PRR11: variants seen among roughly 807,000 people sequenced by gnomAD.
PRR11 encodes proline-rich protein 11.
A neutral mutation model predicts 45.6 loss-of-function variants in PRR11; 30 were observed. That is an observed-to-expected ratio of 0.66 (90% CI 0.49 to 0.89). PRR11 has a LOEUF of 0.89. Among genes scored for constraint, PRR11 ranks in the 40% least tolerant of loss-of-function variants. PRR11 has a pLI of 0.00. For synonymous variants in PRR11, 128 were observed against 153.5 expected, an observed-to-expected ratio of 0.83 and a Z score of 1.23; for missense variants, 373 against 424.8, an observed-to-expected ratio of 0.88 and a Z score of 1.07.
chr17:59,185,335 G>A, intron 3 of PRR11, 105 bp from the exon 4 acceptor site: 1 of 1,518,642 alleles, frequency 6.6e-7, no homozygotes, highest in Non-Finnish European at 8.9e-7. Context: ...AGTCAAGTCT[G>A]CCTTTGCTTC....
At chr17:59,169,647 G>A in intron 1 of PRR11, 101 bp from the exon 2 acceptor site, 1 of 1,099,256 alleles carries the variant, frequency 9.1e-7, no homozygotes, top group Non-Finnish European at 1.3e-6. Context: ...TTTCAAGGGT[G>A]TGTTCATGGT....
At chr17:59,170,382 T>C (rs1305850538) in intron 2 of PRR11, among the ~76,000 whole-genome samples, 1 of 152,144 alleles carries the variant, frequency 6.6e-6, no homozygotes, top group South Asian at 2.1e-4. Flanking sequence ...TATCTGAAAT[T>C]AATTTTTTAT....
intron 2 of PRR11, among the ~76,000 whole-genome samples, chr17:59,173,995 T>G (rs2046727804): frequency 6.6e-6 from 1 of 152,176 alleles, no homozygotes; most frequent in Admixed American, 6.5e-5. Flanking sequence ...CCACATCAAG[T>G]CTAACTAGAG....
In PRR11 at chr17:59,194,882, C is replaced by T. The variant is rs777647522; in HGVS notation, c.744+27C>T. On this transcript the variant is annotated intron_variant, in intron 6 of 9. Transcript: ENST00000262293. ...TAAGATGTCATTGACCACATACATG[C>T]TCTTTTTGCTTTTAACAATATAGGC... 4.5e-6 allele frequency: 7 copies of T among 1,569,024 alleles called. No individual in the cohort carries two copies. In the South Asian group the frequency reaches 7.8e-5, roughly 18 times the overall value.
At chr17:59,157,957 T>G (rs1420856588) in intron 1 of PRR11, among the ~76,000 whole-genome samples, 1 of 152,196 alleles carries the variant, frequency 6.6e-6, no homozygotes. Flanking sequence ...CGCTAGTCAC[T>G]AGAAGAGACT....
At chr17:59,155,921 G>A (rs2046620875) in intron 1 of PRR11, 116 bp downstream of exon 1, 1 of 152,262 alleles carries the variant, frequency 6.6e-6, no homozygotes, top group East Asian at 1.9e-4. Flanking sequence ...TGGACACGAA[G>A]GGGAAATGGA....
Position 59,194,265 on chromosome 17 carries a change from C to CCACACACA in PRR11, c.646-491_646-490insACACACAC, listed in dbSNP as rs1277044945. Among the ~76,000 whole-genome samples, 92 of 90,492 alleles carry CCACACACA rather than the reference C, an allele frequency of 1.0e-3. 1 individual carries two copies. Among genetic ancestry groups the CCACACACA allele is most frequent in the African/African-American group, 6.0e-3 (92 of 15,324 alleles). 59.4% of individuals were successfully genotyped at this position (90,492 alleles called of 152,430 possible). On this transcript the variant is annotated intron_variant, in intron 5 of 9. Coordinates refer to ENST00000262293, the MANE Select transcript of PRR11 (RefSeq NM_018304.4). ...GAATTAAATCCAGAGTCTTCCCAAT[C>CCACACACA]CTCACACACACACACACACACACAC...
chr17:59,164,048 G>A (rs570460922), intron 1 of PRR11, among the ~76,000 whole-genome samples: 5 of 152,130 alleles, frequency 3.3e-5, no homozygotes, highest in South Asian at 4.1e-4. Context: ...CAGCCTGGGC[G>A]ACAGAGTGAG....
chr17:59,201,664 A>T lies in PRR11; in HGVS notation c.*33A>T. On this transcript the variant is annotated 3_prime_UTR_variant, in exon 10 of 10. Coordinates refer to ENST00000262293, the MANE Select transcript of PRR11 (RefSeq NM_018304.4). ...TCTGCCTCACTCCATGAGATGATCC[A>T]TAACAAATACAGATAAAAACACCCA... 6.2e-7 allele frequency: 1 copy of T among 1,604,704 alleles called. No individual in the cohort carries two copies. Among genetic ancestry groups the T allele is most frequent in the Non-Finnish European group, 8.5e-7 (1 of 1,172,224 alleles).
chr17:59,171,542 T>A lies in PRR11; in HGVS notation c.128+1662T>A, dbSNP rs145269981. Among the ~76,000 whole-genome samples the A allele has an allele frequency of 1.3e-3, 204 of 152,184 alleles. 7 individuals are homozygous for A. The East Asian group carries it at 0.037, about 28-fold the overall frequency. On this transcript the variant is annotated intron_variant, in intron 2 of 9. Coordinates refer to ENST00000262293, the MANE Select transcript of PRR11 (RefSeq NM_018304.4). ...TCTTAAAAAGGAAAACAAAATTATA[T>A]GTATATAGCAGCTATGACACCCATC... is the stretch of plus-strand genomic sequence containing the variant.
chr17:59,181,740 C>CG, intron 2 of PRR11: 1 of 1,557,606 alleles, frequency 6.4e-7, no homozygotes, highest in African/African-American at 1.4e-5. Context: ...TGGGATCTAC[C>CG]CCAGGGGCTG....
At chr17:59,170,734 A>C (rs1350311927) in intron 2 of PRR11, among the ~76,000 whole-genome samples, 2 of 152,172 alleles carry the variant, frequency 1.3e-5, no homozygotes, top group Non-Finnish European at 2.9e-5. Context: ...TTTTTTCTAC[A>C]TAAAAAATAA....
rs1302250171 is a variant in PRR11 at position 59,205,532 on chromosome 17, T to A, written c.*3901T>A. 1.8e-5 allele frequency among the ~76,000 whole-genome samples: 2 copies of A among 110,680 alleles called. No homozygotes were observed. Among genetic ancestry groups the A allele is most frequent in the African/African-American group, 5.3e-5 (1 of 18,808 alleles). 72.6% of individuals were successfully genotyped at this position (110,680 alleles called of 152,430 possible). A position where few individuals can be genotyped will look rare whatever the true frequency, so the allele number is the denominator to read the frequency against. ...GTCTGGCCAACATGGTGAAACCCTG[T>A]CTCTACTAAAAATACAAAAATTAGC... On this transcript the variant is annotated 3_prime_UTR_variant, in exon 10 of 10. Transcript: ENST00000262293.
At chr17:59,182,026 G>GTTT (rs58846857) in intron 2 of PRR11, among the ~76,000 whole-genome samples, 1 of 138,716 alleles carries the variant, frequency 7.2e-6, no homozygotes, top group Non-Finnish European at 1.5e-5. Context: ...TTTGTTATTG[G>GTTT]TTTTTTTTTT....
At position 59,185,068 on chromosome 17, in the gene PRR11, C is replaced by T; in HGVS notation, c.143C>T (p.Ser48Leu). Residue 48 changes from serine (S) to leucine (L), a missense_variant, in exon 3 of 10, where the codon TCA becomes TTA. Coordinates refer to ENST00000262293, the MANE Select transcript of PRR11 (RefSeq NM_018304.4). ...TTTTCCTACAGAGTCGGTATTTCTTCAATAGATATATCTCAAAGCAGAAGC... is the reference window on the plus strand; with the variant it reads ...TTTTCCTACAGAGTCGGTATTTCTTTAATAGATATATCTCAAAGCAGAAGC... ...PPSPERVGIS[S>L]IDISQSRSWL... 2 of 1,610,294 alleles carry T rather than the reference C, an allele frequency of 1.2e-6. No homozygotes were observed. The highest frequency in any genetic ancestry group is 1.7e-6 in the Non-Finnish European group (2 of 1,177,914).
intron 2 of PRR11, among the ~76,000 whole-genome samples, chr17:59,177,426 G>A (rs757669615): frequency 9.2e-5 from 14 of 152,114 alleles, no homozygotes; most frequent in Admixed American, 2.0e-4. Context: ...TTTGAAGGTC[G>A]GATGCAAATC....
At chr17:59,159,069 C>A (rs2046639450) in intron 1 of PRR11, among the ~76,000 whole-genome samples, 1 of 152,226 alleles carries the variant, frequency 6.6e-6, no homozygotes, top group African/African-American at 2.4e-5. Context: ...ATCCACCCAC[C>A]TCAGTCTCCC....
chr17:59,200,067 A>G (rs909609166), intron 9 of PRR11, among the ~76,000 whole-genome samples: 1 of 152,220 alleles, frequency 6.6e-6, no homozygotes, highest in African/African-American at 2.4e-5. Context: ...ATAAACGATA[A>G]TAAATTGTAA....
chr17:59,193,209 C>G (rs1170849022), intron 4 of PRR11, among the ~76,000 whole-genome samples: 4 of 152,114 alleles, frequency 2.6e-5, no homozygotes, highest in African/African-American at 9.7e-5. Context: ...CCATTCCTGG[C>G]CTTCTGTGCA....
Sources: allele counts gnomAD v4.1 joint callset (sites outside exome capture counted in the v4.1 genomes callset), GRCh38; gene constraint gnomAD v4.1.1; transcripts MANE v1.5; gene names NCBI Gene and HGNC (gene_info 2026-07-23, HGNC 2026-07-21).